Variants in DHRSX observed in about 807,000 individuals in gnomAD.
DHRSX encodes the protein dehydrogenase/reductase X-linked, also known as polyprenol dehydrogenase.
In DHRSX, 31 loss-of-function variants were observed where a neutral mutation model predicts 34.0. The ratio of observed to expected loss-of-function variants is 0.91; its 90% CI spans 0.69 to 1.23. The LOEUF (loss-of-function observed/expected upper bound fraction) is 1.23. DHRSX is among the 50% of genes most tolerant of loss of function. The probability of loss-of-function intolerance (pLI) is 0.00; values close to 1 mark genes in which losing one functional copy is unlikely to be tolerated. For synonymous variants in DHRSX, 201 were observed against 183.8 expected, an observed-to-expected ratio of 1.09 and a Z score of -0.76; for missense variants, 414 against 428.1, an observed-to-expected ratio of 0.97 and a Z score of 0.29.
intron 3 of DHRSX, among the ~76,000 whole-genome samples, chrX:2,294,771 AGAGAGAGAGAGGAAAAAGAGAGG>A (rs1406168363): frequency 2.0e-5 from 3 of 150,582 alleles, no homozygotes; most frequent in African/African-American, 7.3e-5. Context: ...AGAGAAAGAG[AGAGAGAGAGAGGAAAAAGAGAGG>A]GAGAGAGAGA....
At chrX:2,348,763 G>A (rs1010558214) in intron 3 of DHRSX, among the ~76,000 whole-genome samples, 1 of 151,514 alleles carries the variant, frequency 6.6e-6, no homozygotes, top group Non-Finnish European at 1.5e-5. Context: ...GCACGATCTC[G>A]GCTCACGGCA....
intron 3 of DHRSX, among the ~76,000 whole-genome samples, chrX:2,310,456 A>G (rs1404166255): frequency 6.6e-6 from 1 of 151,558 alleles, no homozygotes; most frequent in Admixed American, 6.6e-5. Context: ...CTGAAATCCT[A>G]TTTTCTTTGT....
intron 3 of DHRSX, among the ~76,000 whole-genome samples, chrX:2,385,550 A>G (rs1227116152): frequency 6.6e-6 from 1 of 152,056 alleles, no homozygotes; most frequent in East Asian, 1.9e-4. Flanking sequence ...CATCCATTCA[A>G]TTTGTGATTC....
rs1273724000 is a variant in DHRSX at position 2,457,408 on chromosome X, TG to T, written c.110-32105del. Among the ~76,000 whole-genome samples the T allele has an allele frequency of 5.5e-5, 8 of 146,412 alleles. No homozygotes were observed. In the East Asian group the frequency reaches 1.7e-3, roughly 31 times the overall value. ...AGTATGTGGCGCAAGGGACCTCTGC[TG>T]TGTGCACACTGAAGACGTTCCCTAA... On this transcript the variant is annotated intron_variant, in intron 1 of 6. Transcript: ENST00000334651.
chrX:2,234,900 G>A (rs144287470), intron 6 of DHRSX, among the ~76,000 whole-genome samples: 4,281 of 152,124 alleles, frequency 0.028, 204 homozygotes, highest in African/African-American at 0.095. Context: ...TAGTAGAGAC[G>A]GGGTTTCACC....
chrX:2,372,625 T>C (rs2043087054), intron 3 of DHRSX, among the ~76,000 whole-genome samples: 1 of 131,644 alleles, frequency 7.6e-6, no homozygotes, highest in Non-Finnish European at 1.7e-5. Context: ...TTTTTTTTTT[T>C]GAGACGGAGT....
At chrX:2,372,985 T>C (rs1195219366) in intron 3 of DHRSX, among the ~76,000 whole-genome samples, 1 of 152,174 alleles carries the variant, frequency 6.6e-6, no homozygotes, top group Non-Finnish European at 1.5e-5. Context: ...CTCACGCTGC[T>C]GATAGACATA....
rs754338053 is a variant in DHRSX at position 2,475,445 on chromosome X, G to A, written c.109+25372C>T. On this transcript the variant is annotated intron_variant, in intron 1 of 6. Coordinates refer to ENST00000334651, the MANE Select transcript of DHRSX (RefSeq NM_145177.3). Reference sequence around the variant, plus strand: ...ACTGAAGACAGTCCCTAAGCATGTGGCACAAGGGACCGCCGCCCTGTGCAC... The same window carrying A: ...ACTGAAGACAGTCCCTAAGCATGTGACACAAGGGACCGCCGCCCTGTGCAC... Among the ~76,000 whole-genome samples, 51 of 151,486 alleles carry A rather than the reference G, an allele frequency of 3.4e-4. 1 individual carries two copies. The East Asian group carries it at 3.5e-3, about 10-fold the overall frequency.
At chrX:2,436,896 G>T (rs1283072642) in intron 1 of DHRSX, among the ~76,000 whole-genome samples, 1 of 152,038 alleles carries the variant, frequency 6.6e-6, no homozygotes, top group East Asian at 1.9e-4. Flanking sequence ...GCCTCCCGAC[G>T]TGTTGCAATT....
chrX:2,382,620 A>AT (rs2043218083), intron 3 of DHRSX, among the ~76,000 whole-genome samples: 7 of 123,344 alleles, frequency 5.7e-5, no homozygotes, highest in African/African-American at 2.8e-4. Flanking sequence ...CATCATCACC[A>AT]CCATCATCAC....
chrX:2,360,966 C>G (rs1403599275), intron 3 of DHRSX, among the ~76,000 whole-genome samples: 5 of 152,102 alleles, frequency 3.3e-5, no homozygotes, highest in Non-Finnish European at 5.9e-5. Flanking sequence ...GAGGAAATGG[C>G]TTTTCCCTCT....
intron 5 of DHRSX, among the ~76,000 whole-genome samples, chrX:2,257,056 A>C (rs1436907136): frequency 6.6e-6 from 1 of 152,122 alleles, no homozygotes; most frequent in Non-Finnish European, 1.5e-5. Flanking sequence ...TCCCAGTTGA[A>C]GCAATTATCC....
chrX:2,470,713 A>G (rs971186414), intron 1 of DHRSX, among the ~76,000 whole-genome samples: 5 of 152,208 alleles, frequency 3.3e-5, no homozygotes, highest in Non-Finnish European at 7.3e-5. Flanking sequence ...CAAAAAACAT[A>G]TAAATTACAT....
intron 5 of DHRSX, among the ~76,000 whole-genome samples, chrX:2,257,782 C>T (rs1249038134): frequency 1.3e-5 from 2 of 152,046 alleles, no homozygotes; most frequent in Non-Finnish European, 2.9e-5. Flanking sequence ...CCTGCCATGG[C>T]GCTTGGCTAA....
chrX:2,489,811 G>C, intron 1 of DHRSX: 3 of 1,613,588 alleles, frequency 1.9e-6, no homozygotes, highest in South Asian at 2.2e-5. Flanking sequence ...TCGGGAGCTG[G>C]AAGGCCTGCT....
intron 3 of DHRSX, among the ~76,000 whole-genome samples, chrX:2,408,264 T>G (rs933724312): frequency 7.2e-5 from 11 of 151,962 alleles, no homozygotes; most frequent in Non-Finnish European, 1.6e-4. Context: ...TTAGTAGAGA[T>G]TGGGTTTCAC....
rs778838325 is a variant in DHRSX, at chrX:2,351,145, G to T, written c.286+57600C>A. The stretch of plus-strand genomic sequence containing the variant: ...ACTTAATGCATGCAGGGCTTAAAAC[G>T]TAGAAGATTGGTTGATAGGCGCAGC... On this transcript the variant is annotated intron_variant, in intron 3 of 6. Transcript: ENST00000334651. Among the ~76,000 whole-genome samples, 3 of 152,138 alleles carry T rather than the reference G, an allele frequency of 2.0e-5. No individual in the cohort carries two copies. In the South Asian group the frequency reaches 6.2e-4, roughly 32 times the overall value.
chrX:2,378,792 C>T lies in DHRSX; in HGVS notation c.286+29953G>A, dbSNP rs546229284. On this transcript the variant is annotated intron_variant, in intron 3 of 6. Transcript: ENST00000334651. ...TTCAAGTGATTCTCCTACCTCAGCC[C>T]CCCGAGTAGCTGGGATTGCAGGTGC... Among the ~76,000 whole-genome samples the T allele has an allele frequency of 9.2e-5, 14 of 151,884 alleles. No individual in the cohort carries two copies. In the South Asian group the frequency reaches 2.7e-3, roughly 29 times the overall value.
chrX:2,485,537 G>A (rs1262417493), intron 1 of DHRSX, among the ~76,000 whole-genome samples: 1 of 144,202 alleles, frequency 6.9e-6, no homozygotes, highest in Non-Finnish European at 1.5e-5. Context: ...AAGGGAGGGA[G>A]GGAGAAAAGG....
Sources: gnomAD v4.1 joint callset for allele counts (sites outside exome capture counted in the v4.1 genomes callset) on GRCh38, gnomAD v4.1.1 for gene constraint, MANE v1.5 for transcripts, NCBI Gene and HGNC (gene_info 2026-07-23, HGNC 2026-07-21) for gene names.